The following RRAGB variants were observed in gnomAD, a reference collection of about 807,000 sequenced individuals.
RRAGB encodes the protein Ras related GTP binding B, also known as ras-related GTP-binding protein B.
Under a neutral mutation model 29.3 loss-of-function variants are expected in RRAGB, and 6 were observed. That is an observed-to-expected ratio of 0.21 (90% CI 0.11 to 0.40). RRAGB has a LOEUF of 0.40. RRAGB is among the 10% of genes least tolerant of loss of function. The probability of loss-of-function intolerance (pLI) is 1.00; values close to 1 mark genes in which losing one functional copy is unlikely to be tolerated. For missense variants in RRAGB, 184 were observed against 272.9 expected (o/e 0.67, Z 2.29); for synonymous variants, 101 against 92.5 (o/e 1.09, Z -0.53).
At chrX:55,730,670 T>C (rs1223076998) in intron 4 of RRAGB, among the ~76,000 whole-genome samples, 1 of 111,923 alleles carries the variant, frequency 8.9e-6, no homozygotes, top group East Asian at 2.8e-4. Context: ...TATTTGACTA[T>C]TGAGTTATTC....
At chrX:55,754,499 T>G (rs1019566836) in intron 7 of RRAGB, among the ~76,000 whole-genome samples, 1 of 112,584 alleles carries the variant, frequency 8.9e-6, no homozygotes, top group African/African-American at 3.2e-5. Flanking sequence ...AAATAATTTG[T>G]TTCTGAGCCC....
intron 4 of RRAGB, 55 bp downstream of exon 4, chrX:55,729,415 T>C: frequency 1.3e-6 from 1 of 777,160 alleles, no homozygotes; most frequent in Non-Finnish European, 2.0e-6. Flanking sequence ...TCGTGGCATC[T>C]AGTATATCAG....
chrX:55,742,932 G>A (rs1295746454), intron 5 of RRAGB, among the ~76,000 whole-genome samples: 1 of 112,072 alleles, frequency 8.9e-6, no homozygotes, highest in Non-Finnish European at 1.9e-5. Flanking sequence ...TTCTAACCAG[G>A]TATGATGACT....
At chrX:55,719,253 A>G in intron 1 of RRAGB, 61 bp from the exon 2 acceptor site, 2 of 997,394 alleles carry the variant, frequency 2.0e-6, no homozygotes, top group Non-Finnish European at 2.8e-6. Flanking sequence ...TTTATACTTC[A>G]TTAATTTCAA....
chrX:55,732,436 A>G (rs914018052), intron 5 of RRAGB, among the ~76,000 whole-genome samples: 4 of 112,166 alleles, frequency 3.6e-5, no homozygotes, highest in Non-Finnish European at 7.5e-5. Context: ...TATGCTGGTC[A>G]TATAGAGGAA....
At chrX:55,749,158 G>A (rs1402532254) in intron 5 of RRAGB, among the ~76,000 whole-genome samples, 8 of 95,761 alleles carry the variant, frequency 8.4e-5, no homozygotes, top group African/African-American at 2.3e-4. Context: ...CCCTCTGCCC[G>A]GCCAGCCGCC....
chrX:55,723,004 T>C (rs2033340470), intron 3 of RRAGB, among the ~76,000 whole-genome samples: 1 of 111,092 alleles, frequency 9.0e-6, no homozygotes, highest in African/African-American at 3.3e-5. Flanking sequence ...TTCCTGAAGT[T>C]TCAAGAACAA....
At chrX:55,721,619 G>C (rs1213611939) in intron 2 of RRAGB, among the ~76,000 whole-genome samples, 1 of 111,056 alleles carries the variant, frequency 9.0e-6, no homozygotes, top group Non-Finnish European at 1.9e-5. Context: ...AAATAGACTA[G>C]ATCAAGGAGG....
chrX:55,737,913 G>A (rs73505416), intron 5 of RRAGB, among the ~76,000 whole-genome samples: 3,469 of 112,370 alleles, frequency 0.031, 146 homozygotes, highest in African/African-American at 0.11. Context: ...AACTTGTGAA[G>A]GGACCTTGTG....
In RRAGB at chrX:55,758,367, C is replaced by T; in HGVS notation, c.*24C>T. Reference sequence around the variant, plus strand: ...AAACATTGATGAATATTGTTTCACACAAAAATTAAAAGTTTCCTAATTAAT... The same window carrying T: ...AAACATTGATGAATATTGTTTCACATAAAAATTAAAAGTTTCCTAATTAAT... On this transcript the variant is annotated 3_prime_UTR_variant, in exon 10 of 10. Transcript: ENST00000374941. 1 of 1,072,770 alleles carries T rather than the reference C, an allele frequency of 9.3e-7. No individual in the cohort carries two copies. The highest frequency in any genetic ancestry group is 1.3e-6 in the Non-Finnish European group (1 of 779,574). The allele number at this position is 1,072,770 out of a possible 1,213,427, so 88.4% of individuals were successfully genotyped here.
intron 7 of RRAGB, chrX:55,755,050 GT>G: frequency 1.3e-6 from 1 of 746,087 alleles, no homozygotes; most frequent in Non-Finnish European, 1.6e-6. Context: ...GTAACAGGTA[GT>G]TTTTGTTTCT....
intron 3 of RRAGB, among the ~76,000 whole-genome samples, chrX:55,723,257 T>C (rs749582880): frequency 9.1e-6 from 1 of 110,165 alleles, no homozygotes; most frequent in Admixed American, 9.7e-5. Flanking sequence ...TTCTTGTGCC[T>C]CAGCCTCACG....
At chrX:55,729,501 A>G (rs1221793949) in intron 4 of RRAGB, 141 bp downstream of exon 4, 2 of 411,046 alleles carry the variant, frequency 4.9e-6, no homozygotes, top group East Asian at 7.8e-5. Context: ...CACTTGAGTC[A>G]ATAAACATCT....
chrX:55,718,286 G>A lies in RRAGB; in HGVS notation c.-42G>A, dbSNP rs1258396726. 9.8e-7 allele frequency: 1 copy of A among 1,020,704 alleles called. No homozygotes were observed. The highest frequency in any genetic ancestry group is 2.1e-5 in the South Asian group (1 of 47,601). 84.1% of individuals were successfully genotyped at this position (1,020,704 alleles called of 1,213,427 possible). On this transcript the variant is annotated 5_prime_UTR_variant, in exon 1 of 10. Transcript: ENST00000374941. ...AAACAACAACAACAAACCCTGAAGA[G>A]TACTGAAGATTTAGAAGGGACTGGA...
chrX:55,755,008 A>G, intron 7 of RRAGB: 1 of 610,687 alleles, frequency 1.6e-6, no homozygotes, highest in Non-Finnish European at 2.0e-6. Context: ...GTAGAGGTTA[A>G]CCTAATATAA....
intron 5 of RRAGB, among the ~76,000 whole-genome samples, chrX:55,743,568 A>G (rs1034621821): frequency 1.8e-5 from 2 of 112,832 alleles, no homozygotes; most frequent in African/African-American, 6.5e-5. Context: ...GGTTGGAGAA[A>G]GGGGCTGAAC....
Position 55,757,153 on chromosome X carries a change from A to C in RRAGB, c.828-63A>C. 7.0e-6 allele frequency: 4 copies of C among 569,752 alleles called. No individual in the cohort carries two copies. The Admixed American group carries it at 1.0e-4, about 14-fold the overall frequency. 47.0% of individuals were successfully genotyped at this position (569,752 alleles called of 1,213,427 possible). ...CAATCATCAAAAGATGTTTAACATA[A>C]ATAAGAGCTTGTTGTAGTGTTATTA... On this transcript the variant is annotated intron_variant, in intron 8 of 9. Coordinates refer to ENST00000374941, the MANE Select transcript of RRAGB (RefSeq NM_006064.5).
At chrX:55,720,938 T>C (rs1047564891) in intron 2 of RRAGB, among the ~76,000 whole-genome samples, 2 of 111,644 alleles carry the variant, frequency 1.8e-5, no homozygotes, top group African/African-American at 6.5e-5. Context: ...GAACTATATT[T>C]CATAAATTCT....
In RRAGB at chrX:55,755,837, A is replaced by G. The variant is rs776541761; in HGVS notation, c.736-4A>G. ...GATTCAAAGGACAATATTCTTTTTC[A>G]TAGGTAATTTCTCACTATCAGTGTA... On this transcript the variant is annotated splice_region_variant and splice_polypyrimidine_tract_variant and intron_variant, in intron 7 of 9. Coordinates refer to ENST00000374941, the MANE Select transcript of RRAGB (RefSeq NM_006064.5). The G allele has an allele frequency of 9.1e-5, 109 of 1,192,659 alleles. No individual in the cohort carries two copies. In the Admixed American group the frequency reaches 2.4e-3, roughly 26 times the overall value.
Sources: gnomAD v4.1 joint callset for allele counts (sites outside exome capture counted in the v4.1 genomes callset) on GRCh38, gnomAD v4.1.1 for gene constraint, MANE v1.5 for transcripts, NCBI Gene and HGNC (gene_info 2026-07-23, HGNC 2026-07-21) for gene names.